Variants in UTP6 observed in about 807,000 individuals in gnomAD.
UTP6 encodes U3 small nucleolar RNA-associated protein 6 homolog.
Under a neutral mutation model 96.5 loss-of-function variants are expected in UTP6, and 60 were observed. The observed-to-expected ratio is 0.62, with a 90% confidence interval of 0.51 to 0.77. UTP6 has a LOEUF of 0.77. UTP6 is among the 30% of genes least tolerant of loss of function. The probability of loss-of-function intolerance (pLI) is 0.00; values close to 1 mark genes in which losing one functional copy is unlikely to be tolerated. For missense variants in UTP6, 637 were observed against 706.5 expected (o/e 0.90, Z 1.12); for synonymous variants, 215 against 240.1 (o/e 0.90, Z 0.96).
chr17:31,878,926 A>T, intron 11 of UTP6, 145 bp from the exon 12 acceptor site: 1 of 719,562 alleles, frequency 1.4e-6, no homozygotes. Context: ...AGTTTAAATC[A>T]GCCTGATTTT....
At position 31,878,411 on chromosome 17, in the gene UTP6, G is replaced by A. The variant is rs144113207; in HGVS notation, c.1048-84C>T. The A allele has an allele frequency of 1.9e-5, 26 of 1,363,568 alleles. No homozygotes were observed. The East Asian group carries it at 2.5e-4, about 13-fold the overall frequency. The allele number at this position is 1,363,568 out of a possible 1,614,324, so 84.5% of individuals were successfully genotyped here. Reference sequence around the variant, plus strand: ...CTGACATGAACAAAAGCAGTTTTGCGCATTTCTTAAAATTCAAAGAAGCTG... The same window carrying A: ...CTGACATGAACAAAAGCAGTTTTGCACATTTCTTAAAATTCAAAGAAGCTG... On this transcript the variant is annotated intron_variant, in intron 12 of 18. Transcript: ENST00000261708.
intron 6 of UTP6, 61 bp from the exon 7 acceptor site, chr17:31,889,464 A>G: frequency 7.4e-7 from 1 of 1,357,476 alleles, no homozygotes; most frequent in Non-Finnish European, 1.0e-6. Flanking sequence ...ACAAGAAAAG[A>G]ACCAAATGAT....
intron 4 of UTP6, among the ~76,000 whole-genome samples, chr17:31,893,256 C>CA (rs989187676): frequency 9.2e-5 from 14 of 151,676 alleles, no homozygotes; most frequent in Non-Finnish European, 1.6e-4. Context: ...AGCTCCAACT[C>CA]AAAAAAACAA....
chr17:31,875,659 C>T (rs1910459611), intron 13 of UTP6, among the ~76,000 whole-genome samples: 1 of 151,876 alleles, frequency 6.6e-6, no homozygotes, highest in Non-Finnish European at 1.5e-5. Context: ...CCCGTCTCTA[C>T]TAAAAACACA....
In UTP6 at chr17:31,901,511, T is replaced by C. The variant is rs767023447; in HGVS notation, c.92+25A>G. ...ACCTCCCCTCAGGCCGCCTCAGCTC[T>C]TCCCTCTCCCCAACCCTCTCTCACT... On this transcript the variant is annotated intron_variant, in intron 1 of 18. Coordinates refer to ENST00000261708, the MANE Select transcript of UTP6 (RefSeq NM_018428.3). The C allele has an allele frequency of 2.0e-5, 32 of 1,612,350 alleles. 2 individuals are homozygous for C. The highest frequency in any genetic ancestry group is 3.3e-4 in the Middle Eastern group (2 of 6,054).
At position 31,901,524 on chromosome 17, in the gene UTP6, A is replaced by G. The variant is rs374976575; in HGVS notation, c.92+12T>C. 21 of 1,612,334 alleles carry G rather than the reference A, an allele frequency of 1.3e-5. No individual in the cohort carries two copies. The South Asian group carries it at 2.0e-4, about 15-fold the overall frequency. On this transcript the variant is annotated intron_variant, in intron 1 of 18. Coordinates refer to ENST00000261708, the MANE Select transcript of UTP6 (RefSeq NM_018428.3). ...CCGCCTCAGCTCTTCCCTCTCCCCA[A>G]CCCTCTCTCACTTAATCTCCGCATG...
chr17:31,901,567 G>C lies in UTP6; in HGVS notation c.61C>G (p.Arg21Gly). 6.2e-7 allele frequency: 1 copy of C among 1,613,824 alleles called. No homozygotes were observed. The part of the protein sequence containing the change: ...DRLPELEQLE[R>G]IGLFSHAEIK... ...TCCGCATGACTGAACAGTCCAATGC[G>C]CTCCAGCTGTTCCAATTCCGGGAGC... Residue 21 changes from arginine (R) to glycine (G), a missense_variant, in exon 1 of 19, where the codon CGC becomes GGC. Coordinates refer to ENST00000261708, the MANE Select transcript of UTP6 (RefSeq NM_018428.3).
intron 17 of UTP6, among the ~76,000 whole-genome samples, chr17:31,866,115 G>A (rs537242024): frequency 9.2e-5 from 14 of 151,434 alleles, no homozygotes; most frequent in Non-Finnish European, 1.8e-4. Context: ...GTGAAACCCC[G>A]TCTCTACTGA....
intron 1 of UTP6, among the ~76,000 whole-genome samples, chr17:31,900,647 A>G (rs1904924184): frequency 6.6e-6 from 1 of 152,142 alleles, no homozygotes; most frequent in Non-Finnish European, 1.5e-5. Flanking sequence ...TTAATAATAA[A>G]TTTCTTTCCG....
intron 16 of UTP6, among the ~76,000 whole-genome samples, chr17:31,868,568 C>G (rs1909976223): frequency 6.6e-6 from 1 of 151,918 alleles, no homozygotes; most frequent in African/African-American, 2.4e-5. Context: ...CGGGCTCAAG[C>G]AATCCTCCCG....
chr17:31,878,563 C>T (rs1598103679), intron 12 of UTP6, 139 bp downstream of exon 12: 8 of 882,812 alleles, frequency 9.1e-6, no homozygotes, highest in South Asian at 1.7e-5. Flanking sequence ...TAGAATGTCA[C>T]GTCACCCACA....
At position 31,863,297 on chromosome 17, in the gene UTP6, C is replaced by A. The variant is rs1909628856; in HGVS notation, c.*62G>T. The A allele has an allele frequency of 1.3e-6, 2 of 1,575,126 alleles. No homozygotes were observed. The highest frequency in any genetic ancestry group is 1.3e-5 in the African/African-American group (1 of 74,210). On this transcript the variant is annotated 3_prime_UTR_variant, in exon 19 of 19. Coordinates refer to ENST00000261708, the MANE Select transcript of UTP6 (RefSeq NM_018428.3). ...GAGCAAATTACAGATGGACTCAATA[C>A]AAATTTGCCCACGGGGCTTGCTTGC...
chr17:31,871,028 C>T (rs1910141193), intron 16 of UTP6, among the ~76,000 whole-genome samples: 1 of 144,176 alleles, frequency 6.9e-6, no homozygotes, highest in African/African-American at 2.6e-5. Flanking sequence ...CTTGCTCTGT[C>T]GCCCAGGCTG....
At chr17:31,890,682 T>C (rs1367974963) in intron 6 of UTP6, among the ~76,000 whole-genome samples, 1 of 151,030 alleles carries the variant, frequency 6.6e-6, no homozygotes, top group Non-Finnish European at 1.5e-5. Context: ...TGCTCTTTTC[T>C]CAATATTTAG....
In UTP6 at chr17:31,894,717, C is replaced by T. The variant is rs1904533191; in HGVS notation, c.240G>A (p.Lys80=). 2 of 1,610,928 alleles carry T rather than the reference C, an allele frequency of 1.2e-6. No homozygotes were observed. Among genetic ancestry groups the T allele is most frequent in the Non-Finnish European group, 1.7e-6 (2 of 1,178,342 alleles). ...CAATAGAATTCTCAATCTCATCCTT[C>T]TTAAATGAATATCCAATGCGCTAAA... is the stretch of plus-strand genomic sequence containing the variant. ...RRRTRIGYSF[K]KDEIENSIVH... The change falls in exon 4 of 19, where the codon AAG becomes AAA. Residue 80 remains lysine (K), a synonymous_variant. Transcript: ENST00000261708.
intron 10 of UTP6, among the ~76,000 whole-genome samples, chr17:31,883,325 T>A (rs1271866849): frequency 6.6e-6 from 1 of 151,676 alleles, no homozygotes; most frequent in Non-Finnish European, 1.5e-5. Context: ...GATTTTTTTT[T>A]TTTTTTTGAG....
chr17:31,892,440 T>C, intron 5 of UTP6, 117 bp from the exon 6 acceptor site: 1 of 1,047,994 alleles, frequency 9.5e-7, no homozygotes, highest in African/African-American at 1.6e-5. Context: ...TGACATGCTA[T>C]TGCTAGGGAT....
intron 16 of UTP6, 33 bp downstream of exon 16, chr17:31,873,345 G>A (rs752874640): frequency 1.3e-6 from 2 of 1,598,252 alleles, no homozygotes. Context: ...TGGGGTAGAG[G>A]GACTAGTAAC....
intron 11 of UTP6, chr17:31,880,266 A>G (rs1245579771): frequency 5.9e-6 from 2 of 338,710 alleles, no homozygotes; most frequent in African/African-American, 4.3e-5. Context: ...CTAAAATACA[A>G]AAAAATTAGC....
Sources: gnomAD v4.1 joint callset for allele counts (sites outside exome capture counted in the v4.1 genomes callset) on GRCh38, gnomAD v4.1.1 for gene constraint, MANE v1.5 for transcripts, NCBI Gene and HGNC (gene_info 2026-07-23, HGNC 2026-07-21) for gene names.